The following RFX3 variants were observed in gnomAD, a reference collection of about 807,000 sequenced individuals.
RFX3 encodes regulatory factor X3, also known as transcription factor RFX3.
RFX3 carries 14 observed loss-of-function variants against 98.6 expected under a neutral mutation model. The ratio of observed to expected loss-of-function variants is 0.14; its 90% CI spans 0.09 to 0.22. The LOEUF (loss-of-function observed/expected upper bound fraction) is 0.22. RFX3 is among the 10% of genes least tolerant of loss of function. RFX3 has a pLI of 1.00. For missense variants in RFX3, 639 were observed against 926.9 expected, an observed-to-expected ratio of 0.69 and a Z score of 4.03; for synonymous variants, 383 against 328.4, an observed-to-expected ratio of 1.17 and a Z score of -1.80.
At chr9:3,504,864 T>A (rs185399421) in intron 1 of RFX3, among the ~76,000 whole-genome samples, 4 of 71,018 alleles carry the variant, frequency 5.6e-5, no homozygotes, top group East Asian at 6.1e-4. Flanking sequence ...TATGATATAA[T>A]ATATATTATA....
chr9:3,356,292 A>G lies in RFX3; in HGVS notation c.118-9528T>C, dbSNP rs1835764347. 5.9e-5 allele frequency among the ~76,000 whole-genome samples: 9 copies of G among 151,982 alleles called. No homozygotes were observed. In the South Asian group the frequency reaches 1.9e-3, roughly 31 times the overall value. ...AGCAAGGTAGACTTATCAAAGAGAAAAAGAAGACACAAATTACAAATTGCA... is the reference window on the plus strand; with the variant it reads ...AGCAAGGTAGACTTATCAAAGAGAAGAAGAAGACACAAATTACAAATTGCA... On this transcript the variant is annotated intron_variant, in intron 2 of 16. Transcript: ENST00000617270.
chr9:3,268,616 C>T (rs923291604), intron 11 of RFX3, among the ~76,000 whole-genome samples: 5 of 151,770 alleles, frequency 3.3e-5, no homozygotes, highest in African/African-American at 9.7e-5. Context: ...CAAAACTATT[C>T]GGGTGTCTGC....
chr9:3,512,421 TAC>T (rs1225818820), intron 1 of RFX3, among the ~76,000 whole-genome samples: 2 of 151,976 alleles, frequency 1.3e-5, no homozygotes, highest in Non-Finnish European at 2.9e-5. Context: ...ACATTTATGG[TAC>T]ACAGTTTTTT....
intron 10 of RFX3, 137 bp from the exon 11 acceptor site, chr9:3,270,662 G>A: frequency 1.2e-6 from 1 of 833,726 alleles, no homozygotes; most frequent in South Asian, 1.8e-5. Flanking sequence ...CCATACAGCT[G>A]GCTATATATA....
At chr9:3,414,978 T>A (rs1215092005) in intron 1 of RFX3, among the ~76,000 whole-genome samples, 1 of 134,688 alleles carries the variant, frequency 7.4e-6, no homozygotes, top group South Asian at 2.2e-4. Context: ...ATATATACAC[T>A]TATATATACT....
intron 13 of RFX3, among the ~76,000 whole-genome samples, chr9:3,259,218 G>T (rs12004744): frequency 6.6e-6 from 1 of 151,722 alleles, no homozygotes; most frequent in Non-Finnish European, 1.5e-5. Flanking sequence ...TAGTATCCAT[G>T]AAGGAATTTA....
At chr9:3,370,186 TAA>T (rs34364552) in intron 2 of RFX3, among the ~76,000 whole-genome samples, 9 of 135,552 alleles carry the variant, frequency 6.6e-5, no homozygotes, top group South Asian at 4.7e-4. Context: ...TTCAAATTAT[TAA>T]AAAAAAAAAA....
intron 2 of RFX3, among the ~76,000 whole-genome samples, chr9:3,372,732 C>G (rs150654059): frequency 6.6e-6 from 1 of 151,740 alleles, no homozygotes; most frequent in East Asian, 1.9e-4. Flanking sequence ...AGTACAGGTG[C>G]CCGCCACCAC....
intron 1 of RFX3, among the ~76,000 whole-genome samples, chr9:3,476,198 CAT>C (rs1849239229): frequency 6.7e-6 from 1 of 150,140 alleles, no homozygotes; most frequent in Admixed American, 6.7e-5. Context: ...ACATATAATT[CAT>C]ATGATATTCA....
chr9:3,429,632 G>A (rs192911986), intron 1 of RFX3, among the ~76,000 whole-genome samples: 13 of 152,016 alleles, frequency 8.6e-5, no homozygotes, highest in African/African-American at 2.9e-4. Context: ...ACCCATTTCC[G>A]TCTTATATTC....
chr9:3,245,204 G>A (rs770178015), intron 15 of RFX3, among the ~76,000 whole-genome samples: 3 of 152,202 alleles, frequency 2.0e-5, no homozygotes, highest in Non-Finnish European at 4.4e-5. Context: ...GTATTCTGGA[G>A]TAACTGAGTC....
At chr9:3,480,971 A>G (rs1849708901) in intron 1 of RFX3, among the ~76,000 whole-genome samples, 3 of 152,202 alleles carry the variant, frequency 2.0e-5, no homozygotes, top group African/African-American at 7.2e-5. Context: ...CAATTACCCT[A>G]TATGCTAAAT....
chr9:3,339,411 T>G (rs935311796), intron 3 of RFX3, among the ~76,000 whole-genome samples: 1 of 133,146 alleles, frequency 7.5e-6, no homozygotes, highest in Non-Finnish European at 1.5e-5. Flanking sequence ...ACCACACACA[T>G]GTACGTTAAG....
intron 1 of RFX3, among the ~76,000 whole-genome samples, chr9:3,486,182 TACTA>T (rs1035979499): frequency 6.7e-6 from 1 of 148,928 alleles, no homozygotes; most frequent in Non-Finnish European, 1.5e-5. Context: ...TTAGATGAAT[TACTA>T]ACTATTCTGG....
At chr9:3,253,884 A>G (rs1821756971) in intron 14 of RFX3, among the ~76,000 whole-genome samples, 1 of 152,024 alleles carries the variant, frequency 6.6e-6, no homozygotes, top group Admixed American at 6.6e-5. Context: ...TGTGAATGTA[A>G]TTTTCATTAC....
chr9:3,288,098 CTTGGA>C, intron 7 of RFX3, 28 bp downstream of exon 7: 1 of 1,610,384 alleles, frequency 6.2e-7, no homozygotes. Context: ...AAATACATAG[CTTGGA>C]CACATCAATG....
chr9:3,283,109 T>C (rs1039267027), intron 7 of RFX3, among the ~76,000 whole-genome samples: 2 of 151,668 alleles, frequency 1.3e-5, no homozygotes, highest in Admixed American at 1.3e-4. Context: ...CACCAGGGAA[T>C]TAATGTCTAG....
At chr9:3,259,416 C>T (rs931639796) in intron 13 of RFX3, among the ~76,000 whole-genome samples, 3 of 151,220 alleles carry the variant, frequency 2.0e-5, no homozygotes, top group South Asian at 2.1e-4. Context: ...AACAATAGAG[C>T]GCATTGTAAA....
At chr9:3,497,379 A>G (rs975802789) in intron 1 of RFX3, among the ~76,000 whole-genome samples, 2 of 152,024 alleles carry the variant, frequency 1.3e-5, no homozygotes, top group African/African-American at 4.8e-5. Flanking sequence ...TTAAATTCAC[A>G]GTGGCTCCAG....
Sources: gnomAD v4.1 joint callset for allele counts (sites outside exome capture counted in the v4.1 genomes callset) on GRCh38, gnomAD v4.1.1 for gene constraint, MANE v1.5 for transcripts, NCBI Gene and HGNC (gene_info 2026-07-23, HGNC 2026-07-21) for gene names.